Variants in EPHA6 observed in about 807,000 individuals in gnomAD.
EPHA6 encodes the protein EPH receptor A6.
A neutral mutation model predicts 112.0 loss-of-function variants in EPHA6; 50 were observed. That is an observed-to-expected ratio of 0.45 (90% CI 0.36 to 0.56). The LOEUF is 0.56. Among genes scored for constraint, EPHA6 ranks in the 20% least tolerant of loss-of-function variants. EPHA6 has a pLI of 0.00. For synonymous variants in EPHA6, 529 were observed against 490.7 expected (o/e 1.08, Z -1.03); for missense variants, 1,280 against 1,417.4 (o/e 0.90, Z 1.56).
At chr3:97,393,144 T>C (rs558182917) in intron 5 of EPHA6, among the ~76,000 whole-genome samples, 2 of 151,846 alleles carry the variant, frequency 1.3e-5, no homozygotes, top group Non-Finnish European at 2.9e-5. Flanking sequence ...TTTCTGAGAT[T>C]TGGGAGAATA....
At chr3:96,979,923 T>C (rs532463040) in intron 2 of EPHA6, among the ~76,000 whole-genome samples, 1 of 152,232 alleles carries the variant, frequency 6.6e-6, no homozygotes, top group Admixed American at 6.5e-5. Flanking sequence ...GTAAATTTGT[T>C]TGAGTTCATT....
intron 11 of EPHA6, among the ~76,000 whole-genome samples, chr3:97,545,453 T>G (rs1268209881): frequency 6.6e-6 from 1 of 152,206 alleles, no homozygotes; most frequent in African/African-American, 2.4e-5. Context: ...TTTCTATTCT[T>G]TTACATTTGC....
rs2107920281 is a variant in EPHA6 at position 97,751,271 on chromosome 3, T to A, written c.*2570T>A. On this transcript the variant is annotated 3_prime_UTR_variant, in exon 18 of 18. Transcript: ENST00000389672. ...CTATTAAGAATTCTTTCTTTTAAAA[T>A]GTCTGATGATCCTATTCTACATCTG... Among the ~76,000 whole-genome samples, 1 of 152,256 alleles carries A rather than the reference T, an allele frequency of 6.6e-6. No homozygotes were observed. The highest frequency in any genetic ancestry group is 2.4e-5 in the African/African-American group (1 of 41,584).
intron 5 of EPHA6, among the ~76,000 whole-genome samples, chr3:97,384,609 G>A (rs532220273): frequency 2.6e-4 from 40 of 152,266 alleles, no homozygotes; most frequent in African/African-American, 9.1e-4. Flanking sequence ...TCAAACTCTT[G>A]AGCCTGAGTC....
intron 3 of EPHA6, among the ~76,000 whole-genome samples, chr3:97,159,001 C>T (rs867602553): frequency 2.0e-5 from 3 of 152,042 alleles, no homozygotes; most frequent in South Asian, 2.1e-4. Context: ...TTGACTTTTC[C>T]CTTTGGCTAA....
chr3:97,111,650 C>T (rs1431385320), intron 3 of EPHA6, among the ~76,000 whole-genome samples: 1 of 152,102 alleles, frequency 6.6e-6, no homozygotes, highest in Non-Finnish European at 1.5e-5. Flanking sequence ...CATATTTTCT[C>T]ACAATTTACA....
At chr3:97,385,669 A>T (rs1041257680) in intron 5 of EPHA6, among the ~76,000 whole-genome samples, 2 of 152,140 alleles carry the variant, frequency 1.3e-5, no homozygotes, top group Admixed American at 1.3e-4. Context: ...GTAGTTTACA[A>T]AGGAAAGAAG....
At chr3:96,882,740 G>GTA (rs2037391388) in intron 2 of EPHA6, among the ~76,000 whole-genome samples, 1 of 143,112 alleles carries the variant, frequency 7.0e-6, no homozygotes, top group Non-Finnish European at 1.5e-5. Context: ...CTGTGTGTGT[G>GTA]TGTGTGTGTG....
At chr3:97,141,610 ATAAC>A (rs1354086181) in intron 3 of EPHA6, among the ~76,000 whole-genome samples, 10 of 152,120 alleles carry the variant, frequency 6.6e-5, no homozygotes, top group Admixed American at 2.0e-4. Flanking sequence ...ATGAAATTAA[ATAAC>A]AAATCAAAAA....
At chr3:97,096,205 G>C (rs530615452) in intron 3 of EPHA6, among the ~76,000 whole-genome samples, 28 of 151,572 alleles carry the variant, frequency 1.8e-4, no homozygotes, top group African/African-American at 6.8e-4. Context: ...TGCAAAATGT[G>C]TATGTGTGTG....
chr3:97,615,516 A>T (rs2093758295), intron 13 of EPHA6, among the ~76,000 whole-genome samples: 1 of 152,100 alleles, frequency 6.6e-6, no homozygotes, highest in African/African-American at 2.4e-5. Flanking sequence ...GATAAGACCT[A>T]CTGGCTTGAA....
chr3:97,615,667 A>G (rs1417365545), intron 13 of EPHA6, among the ~76,000 whole-genome samples: 1 of 152,176 alleles, frequency 6.6e-6, no homozygotes, highest in Non-Finnish European at 1.5e-5. Context: ...CAAATTGACC[A>G]GGGATAGAAG....
At chr3:96,917,540 C>T (rs954730504) in intron 2 of EPHA6, among the ~76,000 whole-genome samples, 1 of 151,868 alleles carries the variant, frequency 6.6e-6, no homozygotes, top group Non-Finnish European at 1.5e-5. Flanking sequence ...AGTACCTCCA[C>T]TTTCCCATCT....
chr3:96,852,112 G>C (rs1160586902), intron 1 of EPHA6, among the ~76,000 whole-genome samples: 1 of 152,100 alleles, frequency 6.6e-6, no homozygotes, highest in East Asian at 1.9e-4. Flanking sequence ...TGATATTTTG[G>C]AGTTGATCTG....
At chr3:96,825,047 A>G (rs2033556008) in intron 1 of EPHA6, among the ~76,000 whole-genome samples, 1 of 152,014 alleles carries the variant, frequency 6.6e-6, no homozygotes. Context: ...GGAAATGAAA[A>G]TGAGTCTCAC....
At chr3:97,187,684 AGAAG>A (rs1310418150) in intron 3 of EPHA6, among the ~76,000 whole-genome samples, 86 of 123,340 alleles carry the variant, frequency 7.0e-4, no homozygotes, top group African/African-American at 2.0e-3. Context: ...AGAGAAAGAA[AGAAG>A]GAAAGAAAGA....
At chr3:97,018,385 C>T (rs1368099840) in intron 3 of EPHA6, among the ~76,000 whole-genome samples, 2 of 152,006 alleles carry the variant, frequency 1.3e-5, no homozygotes, top group Non-Finnish European at 1.5e-5. Flanking sequence ...ACCACCAAGT[C>T]GCAGAGACCA....
intron 6 of EPHA6, among the ~76,000 whole-genome samples, chr3:97,417,654 G>C (rs1342679575): frequency 6.6e-6 from 1 of 152,138 alleles, no homozygotes; most frequent in Non-Finnish European, 1.5e-5. Flanking sequence ...ATGGCTGTCA[G>C]TCTGGTGTAG....
chr3:97,690,169 T>C (rs1459802552), intron 14 of EPHA6, among the ~76,000 whole-genome samples: 2 of 152,256 alleles, frequency 1.3e-5, no homozygotes, highest in Non-Finnish European at 2.9e-5. Context: ...TGCTGAGTCA[T>C]GGTGGAGTTA....
Sources: allele counts gnomAD v4.1 joint callset (sites outside exome capture counted in the v4.1 genomes callset), GRCh38; gene constraint gnomAD v4.1.1; transcripts MANE v1.5; gene names NCBI Gene and HGNC (gene_info 2026-07-23, HGNC 2026-07-21).